The following ABCC4 variants were observed in gnomAD, a reference collection of about 807,000 sequenced individuals.
The protein encoded by ABCC4 is ATP binding cassette subfamily C member 4 (PEL blood group).
ABCC4 carries 102 observed loss-of-function variants against 168.5 expected under a neutral mutation model. The observed-to-expected ratio is 0.61, with a 90% CI of 0.52 to 0.71. ABCC4 has a LOEUF of 0.71. Among genes scored for constraint, ABCC4 ranks in the 30% least tolerant of loss-of-function variants. The pLI is 0.00. For synonymous variants in ABCC4, 617 were observed against 590.7 expected (o/e 1.04, Z -0.65); for missense variants, 1,402 against 1,605.8 (o/e 0.87, Z 2.17).
chr13:95,191,928 A>G (rs2139635680), intron 9 of ABCC4, among the ~76,000 whole-genome samples: 1 of 152,374 alleles, frequency 6.6e-6, no homozygotes, highest in East Asian at 1.9e-4. Flanking sequence ...GGTGGGCTGC[A>G]GCCAGAAGGG....
intron 19 of ABCC4, among the ~76,000 whole-genome samples, chr13:95,127,166 A>C (rs1490715526): frequency 1.3e-5 from 2 of 151,992 alleles, no homozygotes; most frequent in Non-Finnish European, 2.9e-5. Flanking sequence ...AGTCATTTCT[A>C]AACGCAGCAG....
intron 21 of ABCC4, 73 bp downstream of exon 21, chr13:95,083,067 G>A: frequency 6.6e-7 from 1 of 1,510,238 alleles, no homozygotes; most frequent in East Asian, 2.3e-5. Context: ...CGAATTTCAG[G>A]GGGTCTCTGT....
chr13:95,244,320 G>A (rs1042719291), intron 3 of ABCC4, among the ~76,000 whole-genome samples: 1 of 151,884 alleles, frequency 6.6e-6, no homozygotes, highest in Non-Finnish European at 1.5e-5. Flanking sequence ...TTCTGACTGA[G>A]CATGGTGATT....
At chr13:95,299,530 G>A (rs1279924974) in intron 1 of ABCC4, among the ~76,000 whole-genome samples, 2 of 151,988 alleles carry the variant, frequency 1.3e-5, no homozygotes, top group East Asian at 1.9e-4. Context: ...TGCCAAATTC[G>A]TAAGCTTTCT....
At chr13:95,300,665 C>G (rs1489036073) in intron 1 of ABCC4, among the ~76,000 whole-genome samples, 1 of 152,024 alleles carries the variant, frequency 6.6e-6, no homozygotes, top group Non-Finnish European at 1.5e-5. Context: ...TTGGATCGAG[C>G]TGTCTCGTAA....
intron 1 of ABCC4, among the ~76,000 whole-genome samples, chr13:95,277,159 C>T (rs1031354091): frequency 6.6e-6 from 1 of 152,096 alleles, no homozygotes; most frequent in Admixed American, 6.6e-5. Context: ...CTCTTAAGCA[C>T]CCACCACTAA....
intron 19 of ABCC4, among the ~76,000 whole-genome samples, chr13:95,159,133 A>ATATATATATG (rs59552400): frequency 8.0e-6 from 1 of 125,346 alleles, no homozygotes; most frequent in African/African-American, 3.0e-5. Flanking sequence ...ATATATATAT[A>ATATATATATG]ACTATTGAAG....
At chr13:95,176,876 G>C (rs527278853) in intron 13 of ABCC4, among the ~76,000 whole-genome samples, 77 of 152,342 alleles carry the variant, frequency 5.1e-4, no homozygotes, top group African/African-American at 1.4e-3. Context: ...AAAAAGGCCA[G>C]TCTAGACTAT....
At chr13:95,142,585 A>T (rs2036354583) in intron 19 of ABCC4, among the ~76,000 whole-genome samples, 3 of 137,120 alleles carry the variant, frequency 2.2e-5, no homozygotes, top group Admixed American at 2.1e-4. Flanking sequence ...TATGGAAATA[A>T]AAAAAAAAAT....
At chr13:95,207,748 A>G in intron 7 of ABCC4, 52 bp downstream of exon 7, 1 of 1,567,722 alleles carries the variant, frequency 6.4e-7, no homozygotes, top group African/African-American at 1.4e-5. Context: ...CATCAACAAG[A>G]ATAGCAAATA....
At chr13:95,195,131 G>A (rs2038375997) in intron 8 of ABCC4, among the ~76,000 whole-genome samples, 194 bp from the exon 9 acceptor site, 1 of 152,032 alleles carries the variant, frequency 6.6e-6, no homozygotes, top group Admixed American at 6.6e-5. Flanking sequence ...AGAGTTCATG[G>A]CCATGAACTA....
At chr13:95,053,703 G>T (rs550754698) in intron 26 of ABCC4, 7 of 162,864 alleles carry the variant, frequency 4.3e-5, no homozygotes, top group Non-Finnish European at 9.4e-5. Context: ...CTCACCGGGC[G>T]CAGTGGCTCA....
chr13:95,275,232 G>A (rs1413271145), intron 1 of ABCC4, among the ~76,000 whole-genome samples: 1 of 152,150 alleles, frequency 6.6e-6, no homozygotes, highest in Non-Finnish European at 1.5e-5. Flanking sequence ...AGGGCAATTT[G>A]GCCATCATGC....
intron 8 of ABCC4, among the ~76,000 whole-genome samples, chr13:95,198,633 A>T (rs1438616080): frequency 2.0e-5 from 3 of 152,234 alleles, no homozygotes; most frequent in Non-Finnish European, 4.4e-5. Flanking sequence ...ATTATAAATC[A>T]TTCGACTATA....
chr13:95,071,690 A>G lies in ABCC4; in HGVS notation c.3182T>C (p.Leu1061Pro). 1 of 1,510,344 alleles carries G rather than the reference A, an allele frequency of 6.6e-7. No homozygotes were observed. The allele number at this position is 1,510,344 out of a possible 1,614,324, so 93.6% of individuals were successfully genotyped here. A position where few individuals can be genotyped will look rare whatever the true frequency, so the allele number is the denominator to read the frequency against. The change falls in exon 25 of 31, where the codon CTG becomes CCG. Residue 1061 changes from leucine (L) to proline (P), a missense_variant. Leu to Pro is a moderately conservative substitution (Grantham distance 98). This residue lies in a region of ABCC4 where 1,007 missense variants were observed against 1,127.3 expected (regional missense o/e 0.89). Coordinates refer to ENST00000645237, the MANE Select transcript of ABCC4 (RefSeq NM_005845.5). The stretch of plus-strand genomic sequence containing the variant: ...TTCTTGTGATTTAATGAGTGCTGTC[A>G]GATGCTTCAGTACCAGAGGCCCACC... The part of the protein sequence containing the change: ...SPGGPLVLKH[L>P]TALIKSQEKV...
At chr13:95,025,202 C>CA (rs2031363663) in intron 30 of ABCC4, among the ~76,000 whole-genome samples, 1 of 85,496 alleles carries the variant, frequency 1.2e-5, no homozygotes, top group African/African-American at 7.6e-5. Flanking sequence ...CACCACACAC[C>CA]CCCACACCCC....
At chr13:95,059,890 T>C (rs529188877) in intron 26 of ABCC4, among the ~76,000 whole-genome samples, 10 of 152,228 alleles carry the variant, frequency 6.6e-5, no homozygotes, top group Admixed American at 5.9e-4. Context: ...TCACAACAAA[T>C]CTGTAAGTTA....
intron 4 of ABCC4, among the ~76,000 whole-genome samples, chr13:95,227,983 T>G (rs1038580840): frequency 1.3e-5 from 2 of 152,248 alleles, no homozygotes; most frequent in African/African-American, 2.4e-5. Flanking sequence ...GTGTTGGGAT[T>G]ACAGGTGTGA....
chr13:95,298,916 C>T (rs754101394), intron 1 of ABCC4, among the ~76,000 whole-genome samples: 8 of 152,066 alleles, frequency 5.3e-5, no homozygotes, highest in Non-Finnish European at 7.4e-5. Flanking sequence ...TCAATGGGAG[C>T]GCATCACTTC....
Sources: gnomAD v4.1 joint callset for allele counts (sites outside exome capture counted in the v4.1 genomes callset) on GRCh38, gnomAD v4.1.1 for gene constraint, gnomAD v4.1.1 regional missense constraint, MANE v1.5 for transcripts, NCBI Gene and HGNC (gene_info 2026-07-23, HGNC 2026-07-21) for gene names.